Variants in CTNNA3 observed in about 807,000 individuals in gnomAD.
CTNNA3 encodes the protein catenin alpha-3.
In CTNNA3, 76 loss-of-function variants were observed where a neutral mutation model predicts 95.7. The ratio of observed to expected loss-of-function variants is 0.79; its 90% CI spans 0.66 to 0.96. The LOEUF is 0.96. Ranked by LOEUF, CTNNA3 falls within the 40% of genes least tolerant of loss-of-function variation. The pLI is 0.00. For synonymous variants in CTNNA3, 431 were observed against 374.4 expected (o/e 1.15, Z -1.74); for missense variants, 1,191 against 1,089.8 (o/e 1.09, Z -1.31).
chr10:66,358,781 C>T (rs923912822), intron 12 of CTNNA3, among the ~76,000 whole-genome samples: 2 of 152,142 alleles, frequency 1.3e-5, no homozygotes, highest in Non-Finnish European at 2.9e-5. Flanking sequence ...TTTTGACATC[C>T]TTTCCAGGAA....
intron 13 of CTNNA3, among the ~76,000 whole-genome samples, chr10:66,248,145 T>C (rs2090411378): frequency 6.6e-6 from 1 of 152,164 alleles, no homozygotes; most frequent in South Asian, 2.1e-4. Flanking sequence ...TCTCATTTGT[T>C]TGTTTATGCC....
At chr10:65,959,739 C>G (rs1454458926) in intron 17 of CTNNA3, among the ~76,000 whole-genome samples, 3 of 152,108 alleles carry the variant, frequency 2.0e-5, no homozygotes, top group Non-Finnish European at 4.4e-5. Flanking sequence ...TGGTCTTGAA[C>G]TCATAAGCTC....
At chr10:67,552,296 T>C (rs1841061704) in intron 3 of CTNNA3, among the ~76,000 whole-genome samples, 1 of 152,206 alleles carries the variant, frequency 6.6e-6, no homozygotes, top group South Asian at 2.1e-4. Flanking sequence ...AGGTTAGACC[T>C]GAACCAGCCA....
chr10:66,323,378 C>T (rs67334003), intron 12 of CTNNA3, among the ~76,000 whole-genome samples: 14,364 of 151,728 alleles, frequency 0.095, 975 homozygotes, highest in East Asian at 0.23. Context: ...AGAGGGCAGT[C>T]TACACCTGTA....
intron 12 of CTNNA3, among the ~76,000 whole-genome samples, chr10:66,346,246 T>TATATATATATATATATATAGAGAG (rs1416945569): frequency 3.6e-5 from 1 of 27,788 alleles, no homozygotes; most frequent in Non-Finnish European, 7.6e-5. Flanking sequence ...TATATATATA[T>TATATATATATATATATATAGAGAG]AGAGAGAGAG....
At chr10:66,162,904 G>C (rs2084924632) in intron 13 of CTNNA3, among the ~76,000 whole-genome samples, 1 of 151,686 alleles carries the variant, frequency 6.6e-6, no homozygotes, top group Non-Finnish European at 1.5e-5. Context: ...TGGGGGGTGG[G>C]GGTAAGATTC....
At chr10:67,250,350 G>A (rs368519067) in intron 5 of CTNNA3, among the ~76,000 whole-genome samples, 16 of 152,128 alleles carry the variant, frequency 1.1e-4, no homozygotes, top group African/African-American at 3.6e-4. Flanking sequence ...TGAGTAGCTG[G>A]GACTACAGGT....
At chr10:66,106,214 A>G (rs7079240) in intron 13 of CTNNA3, among the ~76,000 whole-genome samples, 19,831 of 144,484 alleles carry the variant, frequency 0.14, 1,714 homozygotes, top group Non-Finnish European at 0.21. Context: ...TCTCAAAAAA[A>G]AAAAAAGAAA....
At chr10:66,269,204 T>C (rs957953332) in intron 13 of CTNNA3, among the ~76,000 whole-genome samples, 1 of 152,194 alleles carries the variant, frequency 6.6e-6, no homozygotes, top group Non-Finnish European at 1.5e-5. Context: ...GTTAAAAGAC[T>C]ACATGACTTA....
intron 6 of CTNNA3, among the ~76,000 whole-genome samples, chr10:67,213,887 A>G (rs1345197098): frequency 6.6e-6 from 1 of 151,794 alleles, no homozygotes; most frequent in Non-Finnish European, 1.5e-5. Context: ...CTCCTGGTGA[A>G]TTTATCCTAT....
intron 12 of CTNNA3, among the ~76,000 whole-genome samples, chr10:66,353,802 TCG>T (rs2092585607): frequency 1.3e-5 from 2 of 151,900 alleles, no homozygotes; most frequent in Admixed American, 6.6e-5. Flanking sequence ...GGGAAAGGGA[TCG>T]CTGAGATAAA....
chr10:66,052,119 A>T (rs2079971747), intron 15 of CTNNA3, among the ~76,000 whole-genome samples: 1 of 152,156 alleles, frequency 6.6e-6, no homozygotes, highest in Non-Finnish European at 1.5e-5. Flanking sequence ...GTAAGCTCCC[A>T]TGGAGAAAGT....
chr10:66,115,516 T>C (rs1000061050), intron 13 of CTNNA3, among the ~76,000 whole-genome samples: 12 of 143,762 alleles, frequency 8.3e-5, no homozygotes, highest in Middle Eastern at 3.5e-3. Context: ...TATAGATAGA[T>C]AGATAGATGA....
At position 66,385,824 on chromosome 10, in the gene CTNNA3, A is replaced by C. The variant is rs553815601; in HGVS notation, c.1532-6472T>G. Reference sequence around the variant, plus strand: ...GTAAACATAATCCATCACATAAACAAAATCAACAACAAAAAACACATGATT... The same window carrying C: ...GTAAACATAATCCATCACATAAACACAATCAACAACAAAAAACACATGATT... On this transcript the variant is annotated intron_variant, in intron 11 of 17. Transcript: ENST00000433211. Among the ~76,000 whole-genome samples, 7 of 152,190 alleles carry C rather than the reference A, an allele frequency of 4.6e-5. 1 individual carries two copies. Among genetic ancestry groups the C allele is most frequent in the Admixed American group, 1.3e-4 (2 of 15,266 alleles).
chr10:67,223,565 C>G (rs537636188), intron 5 of CTNNA3, among the ~76,000 whole-genome samples: 41 of 152,082 alleles, frequency 2.7e-4, no homozygotes, highest in Admixed American at 1.6e-3. Flanking sequence ...AAGAAACACA[C>G]AGATGGGATT....
intron 4 of CTNNA3, among the ~76,000 whole-genome samples, chr10:67,526,713 T>C (rs1830847265): frequency 6.6e-6 from 1 of 152,212 alleles, no homozygotes; most frequent in South Asian, 2.1e-4. Context: ...AAACAACTCT[T>C]ACCCTAACAG....
intron 15 of CTNNA3, among the ~76,000 whole-genome samples, chr10:66,000,869 G>A (rs1234376932): frequency 6.6e-6 from 1 of 152,112 alleles, no homozygotes; most frequent in African/African-American, 2.4e-5. Context: ...TATTGGAGAT[G>A]GGATTTGAAC....
chr10:66,795,997 T>C (rs1436018284), intron 7 of CTNNA3, among the ~76,000 whole-genome samples: 1 of 152,142 alleles, frequency 6.6e-6, no homozygotes, highest in Non-Finnish European at 1.5e-5. Context: ...ATGTTGTGGC[T>C]GGTTTGATCT....
chr10:66,719,426 C>A (rs568656903), intron 9 of CTNNA3, among the ~76,000 whole-genome samples: 9 of 152,238 alleles, frequency 5.9e-5, no homozygotes, highest in African/African-American at 2.2e-4. Flanking sequence ...ATTTTAGGAG[C>A]AAAAGATATA....
Sources: allele counts gnomAD v4.1 joint callset (sites outside exome capture counted in the v4.1 genomes callset), GRCh38; gene constraint gnomAD v4.1.1; transcripts MANE v1.5; gene names NCBI Gene and HGNC (gene_info 2026-07-23, HGNC 2026-07-21).